CCDC82: variants seen among roughly 807,000 people sequenced by gnomAD.
CCDC82 encodes the protein coiled-coil domain-containing protein 82.
Under a neutral mutation model 60.6 loss-of-function variants are expected in CCDC82, and 47 were observed. The observed-to-expected ratio is 0.77, with a 90% confidence interval of 0.61 to 0.99. The LOEUF (loss-of-function observed/expected upper bound fraction) is 0.99, where lower values mean the gene tolerates loss of function less well. Ranked by LOEUF, CCDC82 falls within the 50% of genes least tolerant of loss-of-function variation. CCDC82 has a pLI of 0.00. For synonymous variants in CCDC82, 212 were observed against 207.4 expected, an observed-to-expected ratio of 1.02 and a Z score of -0.19; for missense variants, 588 against 633.0, an observed-to-expected ratio of 0.93 and a Z score of 0.76.
At position 96,384,079 on chromosome 11, in the gene CCDC82, C is replaced by A; in HGVS notation, c.669G>T (p.Met223Ile). Residue 223 changes from methionine to isoleucine, a missense_variant, in exon 4 of 10, where the codon ATG becomes ATT. Physicochemically the swap from Met to Ile is conservative, Grantham distance 10. Coordinates refer to ENST00000646818, the MANE Select transcript of CCDC82 (RefSeq NM_024725.4). ...VVEDEGSSVE[M>I]EQKTPEKTLA... is the part of the protein sequence containing the mutation. The stretch of plus-strand genomic sequence containing the variant: ...ATGTTTTTTCAGGAGTCTTTTGCTC[C>A]ATTTCCACTGAAGAACCTTCATCTT... The A allele has an allele frequency of 6.2e-7, 1 of 1,613,698 alleles. No individual in the cohort carries two copies. Among genetic ancestry groups the A allele is most frequent in the Non-Finnish European group, 8.5e-7 (1 of 1,179,720 alleles).
intron 7 of CCDC82, among the ~76,000 whole-genome samples, chr11:96,369,170 C>T (rs931629651): frequency 2.6e-5 from 4 of 152,184 alleles, no homozygotes; most frequent in African/African-American, 9.7e-5. Context: ...TTAGCTTACA[C>T]GAATGTTGTA....
At position 96,360,709 on chromosome 11, in the gene CCDC82, TTCTG is replaced by T. The variant is rs533512873; in HGVS notation, c.1381-1535_1381-1532del. 2.0e-3 allele frequency among the ~76,000 whole-genome samples: 301 copies of T among 152,356 alleles called. 1 individual carries two copies. Among genetic ancestry groups the T allele is most frequent in the African/African-American group, 6.9e-3 (289 of 41,592 alleles). On this transcript the variant is annotated intron_variant, in intron 8 of 9. Transcript: ENST00000646818. ...TTAATATTTATCTATGCAACTTGTG[TTCTG>T]TCTGACAGAAAAATACACTTGTTTC...
At position 96,384,611 on chromosome 11, in the gene CCDC82, C is replaced by G; in HGVS notation, c.137G>C (p.Ser46Thr). 6.2e-7 allele frequency: 1 copy of G among 1,613,588 alleles called. No homozygotes were observed. The highest frequency in any genetic ancestry group is 8.5e-7 in the Non-Finnish European group (1 of 1,179,646). Residue 46 changes from serine to threonine, a missense_variant, in exon 4 of 10, where the codon AGT becomes ACT. Transcript: ENST00000646818. ...CTCTTCATCACTATCAAATTCTTCACTATCAAGCTCTTCATCACTATCAAG... is the reference window on the plus strand; with the variant it reads ...CTCTTCATCACTATCAAATTCTTCAGTATCAAGCTCTTCATCACTATCAAG... The part of the protein sequence containing the change: ...QLLDSDEELD[S>T]EEFDSDEELD...
chr11:96,358,418 T>C (rs745669167), intron 9 of CCDC82: 16 of 1,227,852 alleles, frequency 1.3e-5, no homozygotes, highest in Non-Finnish European at 1.6e-5. Flanking sequence ...TTATCAAATT[T>C]AGTGATCAAT....
chr11:96,383,624 T>C (rs1300101895), intron 4 of CCDC82, 151 bp from the exon 5 acceptor site: 1 of 570,398 alleles, frequency 1.8e-6, no homozygotes, highest in South Asian at 3.1e-5. Context: ...TTTTGTCATA[T>C]TAAATGCTGA....
intron 9 of CCDC82, chr11:96,357,440 C>G (rs930938852): frequency 1.0e-6 from 1 of 984,904 alleles, no homozygotes; most frequent in Non-Finnish European, 1.2e-6. Flanking sequence ...GAAAAGAAAG[C>G]CTAAGCTCCT....
At chr11:96,380,915 C>T (rs1306883809) in intron 5 of CCDC82, 2 of 151,564 alleles carry the variant, frequency 1.3e-5, no homozygotes, top group East Asian at 3.9e-4. Flanking sequence ...CATGTCATTA[C>T]ACACTTGTCA....
chr11:96,366,925 G>A (rs557654508), intron 7 of CCDC82, among the ~76,000 whole-genome samples: 1 of 152,130 alleles, frequency 6.6e-6, no homozygotes, highest in Non-Finnish European at 1.5e-5. Flanking sequence ...TGGTTTCCTA[G>A]TACACATAAA....
At chr11:96,368,209 AATG>A (rs1263463640) in intron 7 of CCDC82, among the ~76,000 whole-genome samples, 2 of 152,180 alleles carry the variant, frequency 1.3e-5, no homozygotes, top group Non-Finnish European at 2.9e-5. Context: ...GAGGTATTAA[AATG>A]ATATTAATCT....
At chr11:96,375,664 T>C (rs1420569401) in intron 5 of CCDC82, among the ~76,000 whole-genome samples, 1 of 152,238 alleles carries the variant, frequency 6.6e-6, no homozygotes, top group Non-Finnish European at 1.5e-5. Context: ...AAAACTTTCC[T>C]AAGACCAAAC....
chr11:96,373,923 C>T (rs1189619863), intron 5 of CCDC82, among the ~76,000 whole-genome samples: 1 of 152,114 alleles, frequency 6.6e-6, no homozygotes, highest in Non-Finnish European at 1.5e-5. Flanking sequence ...GCTACAAAAA[C>T]TTCATTTCCC....
rs1864487678 is a variant in CCDC82 at position 96,358,981 on chromosome 11, TATTCACCTTACCTC to T, written c.1564_1566+11del. ...GAATCTACATGATAAGATTCTCATA[TATTCACCTTACCTC>T]CTTAATCCAGCCATTTTCTTTTGAC... is the stretch of plus-strand genomic sequence containing the variant. On this transcript the variant is annotated splice_donor_variant and splice_donor_5th_base_variant and coding_sequence_variant and intron_variant, in exon 9 of 10. Transcript: ENST00000646818. LOFTEE classifies it high-confidence loss of function. 6.3e-7 allele frequency: 1 copy of T among 1,592,932 alleles called. No individual in the cohort carries two copies. The highest frequency in any genetic ancestry group is 8.5e-7 in the Non-Finnish European group (1 of 1,172,200).
At chr11:96,388,980 AT>A (rs1306748061) in intron 1 of CCDC82, 1 of 152,220 alleles carries the variant, frequency 6.6e-6, no homozygotes, top group Non-Finnish European at 1.5e-5. Context: ...ATCTGATGAA[AT>A]TACTAGGGAC....
chr11:96,358,910 A>G (rs2136066789), intron 9 of CCDC82, 83 bp downstream of exon 9: 1 of 1,208,928 alleles, frequency 8.3e-7, no homozygotes, highest in Non-Finnish European at 1.2e-6. Context: ...AAATTTCACT[A>G]TCTTTTAATC....
In CCDC82 at chr11:96,383,996, G is replaced by C. The variant is rs756052765; in HGVS notation, c.752C>G (p.Ser251Cys). ...TCTACCACTACTGCGTCTCTGACGA[G>C]ATCTTTGTTTTGAGAGTTCTTTGAG... ...QKLKELSKQR[S>C]RQRRSSGRDF... The change falls in exon 4 of 10, where the codon TCT (serine) becomes TGT (cysteine). Residue 251 changes from serine (S) to cysteine (C), a missense_variant. By Grantham distance (112) the Ser-to-Cys change is moderately radical. Transcript: ENST00000646818. 5.6e-6 allele frequency: 9 copies of C among 1,613,178 alleles called. No homozygotes were observed. The African/African-American group carries it at 1.1e-4, about 19-fold the overall frequency.
intron 5 of CCDC82, among the ~76,000 whole-genome samples, chr11:96,375,825 A>C (rs1865543165): frequency 6.6e-6 from 1 of 152,192 alleles, no homozygotes; most frequent in African/African-American, 2.4e-5. Context: ...ATAAAATTCA[A>C]ATCTCCCATC....
chr11:96,371,203 C>CCTG, intron 6 of CCDC82, 66 bp from the exon 7 acceptor site: 1 of 1,109,238 alleles, frequency 9.0e-7, no homozygotes, highest in Non-Finnish European at 1.2e-6. Flanking sequence ...CTATTTAATA[C>CCTG]TTAAAAATTT....
intron 8 of CCDC82, 22 bp downstream of exon 8, chr11:96,364,958 A>T: frequency 6.4e-7 from 1 of 1,563,692 alleles, no homozygotes; most frequent in Non-Finnish European, 8.6e-7. Flanking sequence ...ACTGAAAATT[A>T]AGATTAGAGG....
At chr11:96,368,766 T>G (rs1340947652) in intron 7 of CCDC82, among the ~76,000 whole-genome samples, 2 of 151,526 alleles carry the variant, frequency 1.3e-5, no homozygotes, top group African/African-American at 2.4e-5. Context: ...CTCAGGAGGC[T>G]GAGGCAGGAG....
Sources: allele counts gnomAD v4.1 joint callset (sites outside exome capture counted in the v4.1 genomes callset), GRCh38; gene constraint gnomAD v4.1.1; transcripts MANE v1.5; gene names NCBI Gene and HGNC (gene_info 2026-07-23, HGNC 2026-07-21).